TMIGD2: variants seen among roughly 807,000 people sequenced by gnomAD.
TMIGD2 encodes the protein transmembrane and immunoglobulin domain-containing protein 2.
TMIGD2 carries 18 observed loss-of-function variants against 22.6 expected under a neutral mutation model. The observed-to-expected ratio is 0.80, with a 90% CI of 0.55 to 1.18. The LOEUF is 1.18. TMIGD2 is among the 50% of genes most tolerant of loss of function. TMIGD2 has a pLI of 0.00. For missense variants in TMIGD2, 361 were observed against 378.2 expected (o/e 0.95, Z 0.38); for synonymous variants, 184 against 154.1 (o/e 1.19, Z -1.44).
chr19:4,292,750 TGGC>T, exon 5 of TMIGD2: 4 of 1,610,282 alleles, frequency 2.5e-6, no homozygotes, highest in Non-Finnish European at 3.4e-6. Flanking sequence ...CAGGTGCGGC[TGGC>T]GGGGGGCCGG....
At chr19:4,301,003 C>T (rs1971529652) in intron 1 of TMIGD2, among the ~76,000 whole-genome samples, 1 of 151,968 alleles carries the variant, frequency 6.6e-6, no homozygotes, top group Admixed American at 6.6e-5. Flanking sequence ...GATGGGGTCT[C>T]ACTCTGTTGC....
exon 2 of TMIGD2, chr19:4,298,114 C>G (rs1971486452): frequency 1.2e-6 from 2 of 1,613,496 alleles, no homozygotes; most frequent in Non-Finnish European, 1.7e-6. Context: ...GGTGAGATGG[C>G]TGGGTGCCTG....
At chr19:4,295,269 A>AAAAAAAAAAG (rs1971447268) in intron 2 of TMIGD2, among the ~76,000 whole-genome samples, 1 of 149,398 alleles carries the variant, frequency 6.7e-6, no homozygotes, top group Non-Finnish European at 1.5e-5. Context: ...TCAAAAAAAA[A>AAAAAAAAAAG]AAAAAAGAAG....
At chr19:4,300,185 C>T (rs1157058373) in intron 1 of TMIGD2, among the ~76,000 whole-genome samples, 6 of 151,460 alleles carry the variant, frequency 4.0e-5, no homozygotes, top group Admixed American at 6.6e-5. Context: ...CGCTTGAACC[C>T]GGGAGGTGGA....
exon 5 of TMIGD2, chr19:4,292,849 C>G: frequency 1.9e-6 from 3 of 1,613,818 alleles, no homozygotes; most frequent in Non-Finnish European, 2.5e-6. Flanking sequence ...TGGGGCCCCC[C>G]GGGGCCGGTA....
exon 1 of TMIGD2, chr19:4,302,380 C>T: frequency 6.4e-7 from 1 of 1,566,810 alleles, no homozygotes; most frequent in East Asian, 2.4e-5. Context: ...TGCCCGGGGA[C>T]CCCATTCCTG....
rs6510801 is a variant in TMIGD2 at position 4,297,971 on chromosome 19, C to G, written c.406+15G>C. The stretch of plus-strand genomic sequence containing the variant: ...CCTCCCCACTGCCCCTCCCTCTCCC[C>G]GCTGGCTCCCGTACCTGGGTCCACA... On this transcript the variant is annotated intron_variant, in intron 2 of 4. Transcript: ENST00000301272. 50 of 1,547,492 alleles carry G rather than the reference C, an allele frequency of 3.2e-5. No individual in the cohort carries two copies. Among genetic ancestry groups the G allele is most frequent in the Non-Finnish European group, 4.3e-5 (49 of 1,143,334 alleles).
exon 5 of TMIGD2, chr19:4,292,441 A>C: frequency 1.3e-6 from 1 of 773,128 alleles, no homozygotes; most frequent in Non-Finnish European, 2.2e-6. Context: ...TCCCAGGTTC[A>C]AGCCAGGCTG....
chr19:4,298,157 C>T (rs1971487733), exon 2 of TMIGD2: 1 of 1,613,404 alleles, frequency 6.2e-7, no homozygotes. Flanking sequence ...CCGCAGACCC[C>T]CAGGCTGAGG....
chr19:4,298,363 T>A lies in TMIGD2; in HGVS notation c.47-18A>T. 1 of 1,541,010 alleles carries A rather than the reference T, an allele frequency of 6.5e-7. No homozygotes were observed. The highest frequency in any genetic ancestry group is 8.7e-7 in the Non-Finnish European group (1 of 1,149,182). On this transcript the variant is annotated intron_variant, in intron 1 of 4. Transcript: ENST00000301272. ...TTGCAGGGCTGGAGGACAGAAGAGG[T>A]AGAGGCGACCTTTCTGACTGTGCGC...
At chr19:4,298,127 A>G (rs1304536611) in exon 2 of TMIGD2, 8 of 1,613,400 alleles carry the variant, frequency 5.0e-6, no homozygotes, top group Non-Finnish European at 6.8e-6. Flanking sequence ...GGTGCCTGCC[A>G]GGAGAGCCGT....
At position 4,298,186 on chromosome 19, in the gene TMIGD2, G is replaced by A. The variant is rs777590638; in HGVS notation, c.206C>T (p.Pro69Leu). Residue 69 changes from proline (P) to leucine (L), a missense_variant, in exon 2 of 5, where the codon CCG (proline) becomes CTG (leucine). Coordinates refer to ENST00000301272, the Ensembl canonical transcript of TMIGD2. Reference sequence around the variant, plus strand: ...GCTGAGGCTGCCGTTGGTGATGTACGGTTGACACAGGATGGCCCCATCCTT... The same window carrying A: ...GCTGAGGCTGCCGTTGGTGATGTACAGTTGACACAGGATGGCCCCATCCTT... 4.3e-6 allele frequency: 7 copies of A among 1,613,380 alleles called. No homozygotes were observed. The highest frequency in any genetic ancestry group is 5.1e-6 in the Non-Finnish European group (6 of 1,179,986).
chr19:4,298,901 G>T (rs894151440), intron 1 of TMIGD2, among the ~76,000 whole-genome samples: 1 of 152,064 alleles, frequency 6.6e-6, no homozygotes, highest in Non-Finnish European at 1.5e-5. Context: ...CACAAATACC[G>T]CCTAGTATAT....
In TMIGD2 at chr19:4,297,982, G is replaced by T. The variant is rs779002448; in HGVS notation, c.406+4C>A. 1 of 1,570,518 alleles carries T rather than the reference G, an allele frequency of 6.4e-7. No homozygotes were observed. On this transcript the variant is annotated splice_donor_region_variant and intron_variant, in intron 2 of 4. Transcript: ENST00000301272. ...CCCCTCCCTCTCCCCGCTGGCTCCC[G>T]TACCTGGGTCCACAAAGAGCCTTGT...
chr19:4,293,232 A>G (rs1971408773), intron 4 of TMIGD2, among the ~76,000 whole-genome samples: 2 of 147,158 alleles, frequency 1.4e-5, no homozygotes, highest in African/African-American at 5.1e-5. Context: ...AAGTGCTGGG[A>G]TTACAGGCGT....
At chr19:4,295,260 CAAA>C (rs1223910504) in intron 2 of TMIGD2, among the ~76,000 whole-genome samples, 11 of 79,228 alleles carry the variant, frequency 1.4e-4, no homozygotes, top group South Asian at 4.5e-4. Flanking sequence ...GACTCTGCCT[CAAA>C]AAAAAAAAAA....
intron 2 of TMIGD2, among the ~76,000 whole-genome samples, chr19:4,297,638 C>T (rs1447867077): frequency 1.3e-5 from 2 of 152,072 alleles, no homozygotes; most frequent in African/African-American, 2.4e-5. Context: ...AGGCAGATCA[C>T]GAGGTCAAGA....
chr19:4,293,535 C>G (rs1199906898), intron 4 of TMIGD2, among the ~76,000 whole-genome samples: 6 of 151,478 alleles, frequency 4.0e-5, no homozygotes, highest in Non-Finnish European at 2.9e-5. Flanking sequence ...GCTGGGATTA[C>G]ATGCATGAGC....
At chr19:4,294,174 C>T (rs8100475) in intron 4 of TMIGD2, among the ~76,000 whole-genome samples, 92,072 of 151,320 alleles carry the variant, frequency 0.61, 28,327 homozygotes, top group South Asian at 0.73. Context: ...TTCAAGCGAT[C>T]CTCCTGCCTC....
Sources: gnomAD v4.1 joint callset for allele counts (sites outside exome capture counted in the v4.1 genomes callset) on GRCh38, gnomAD v4.1.1 for gene constraint, MANE v1.5 for transcripts, NCBI Gene and HGNC (gene_info 2026-07-23, HGNC 2026-07-21) for gene names.